Variants in FHIT observed in about 807,000 individuals in gnomAD.
The protein encoded by FHIT is bis(5'-adenosyl)-triphosphatase.
FHIT carries 19 observed loss-of-function variants against 17.9 expected under a neutral mutation model. The observed-to-expected ratio is 1.06, with a 90% CI of 0.74 to 1.56. The LOEUF (loss-of-function observed/expected upper bound fraction) is 1.56, where lower values mean the gene tolerates loss of function less well. Among genes scored for constraint, FHIT ranks in the 40% most tolerant of loss-of-function variants. FHIT has a pLI of 0.00. For missense variants in FHIT, 248 were observed against 189.2 expected (o/e 1.31, Z -1.82); for synonymous variants, 81 against 69.7 (o/e 1.16, Z -0.81).
At chr3:61,147,663 T>C (rs1315686114) in intron 2 of FHIT, among the ~76,000 whole-genome samples, 4 of 151,540 alleles carry the variant, frequency 2.6e-5, no homozygotes, top group Non-Finnish European at 5.9e-5. Flanking sequence ...TATGAAAATA[T>C]AAAAAAATAA....
chr3:60,173,284 G>C (rs1205563018), intron 5 of FHIT, among the ~76,000 whole-genome samples: 3 of 152,142 alleles, frequency 2.0e-5, no homozygotes, highest in African/African-American at 7.2e-5. Context: ...GCACACCTGG[G>C]AAGAAGGCAA....
chr3:60,271,444 CAAAGAG>C (rs1377648792), intron 5 of FHIT, among the ~76,000 whole-genome samples: 2 of 152,064 alleles, frequency 1.3e-5, no homozygotes, highest in African/African-American at 2.4e-5. Context: ...TTAGCATAGA[CAAAGAG>C]AAAGACAAGA....
At chr3:60,713,938 C>A (rs1422558440) in intron 4 of FHIT, among the ~76,000 whole-genome samples, 4 of 151,664 alleles carry the variant, frequency 2.6e-5, no homozygotes, top group Admixed American at 2.6e-4. Flanking sequence ...TTTTATGAGG[C>A]CAGCATCATC....
At chr3:60,538,188 A>T (rs1181048360) in intron 4 of FHIT, among the ~76,000 whole-genome samples, 1 of 152,202 alleles carries the variant, frequency 6.6e-6, no homozygotes, top group East Asian at 1.9e-4. Flanking sequence ...TCCCATTCAC[A>T]ATTGCTTCAA....
chr3:60,962,241 G>T (rs192876520), intron 3 of FHIT, among the ~76,000 whole-genome samples: 77 of 152,146 alleles, frequency 5.1e-4, no homozygotes, highest in African/African-American at 1.8e-3. Context: ...GTCTGTTATT[G>T]GTGTATAAGA....
intron 2 of FHIT, among the ~76,000 whole-genome samples, chr3:61,111,891 C>T (rs1379606136): frequency 6.6e-6 from 1 of 152,178 alleles, no homozygotes; most frequent in Non-Finnish European, 1.5e-5. Context: ...AAGTCAGAAA[C>T]TGAGTCAAAA....
At chr3:61,240,667 T>C (rs1309426087) in intron 1 of FHIT, among the ~76,000 whole-genome samples, 4 of 152,218 alleles carry the variant, frequency 2.6e-5, no homozygotes, top group Non-Finnish European at 4.4e-5. Flanking sequence ...AGGTAACATG[T>C]TATATCTGAT....
chr3:59,779,843 G>C (rs1229409226), intron 8 of FHIT, among the ~76,000 whole-genome samples: 1 of 152,164 alleles, frequency 6.6e-6, no homozygotes, highest in African/African-American at 2.4e-5. Flanking sequence ...AAATACATGA[G>C]GGATAAACAA....
chr3:60,323,481 G>A (rs1709525377), intron 5 of FHIT, among the ~76,000 whole-genome samples: 1 of 152,144 alleles, frequency 6.6e-6, no homozygotes, highest in South Asian at 2.1e-4. Context: ...ATGAAGCCCA[G>A]GGAGGTCATA....
At chr3:60,262,061 G>A (rs1409951593) in intron 5 of FHIT, among the ~76,000 whole-genome samples, 1 of 151,854 alleles carries the variant, frequency 6.6e-6, no homozygotes, top group Non-Finnish European at 1.5e-5. Flanking sequence ...TCTTCATTTT[G>A]GAATGATCCT....
At chr3:60,175,270 A>G (rs999146240) in intron 5 of FHIT, among the ~76,000 whole-genome samples, 2 of 152,176 alleles carry the variant, frequency 1.3e-5, no homozygotes, top group East Asian at 3.9e-4. Context: ...ACAAAGCTAA[A>G]CTACACATAT....
intron 2 of FHIT, among the ~76,000 whole-genome samples, chr3:61,064,804 T>C (rs2034545269): frequency 6.6e-6 from 1 of 152,192 alleles, no homozygotes; most frequent in Non-Finnish European, 1.5e-5. Flanking sequence ...ACTGTGTATA[T>C]GCTGCCTAGA....
At chr3:60,182,182 C>A (rs1321939198) in intron 5 of FHIT, among the ~76,000 whole-genome samples, 2 of 152,132 alleles carry the variant, frequency 1.3e-5, no homozygotes, top group African/African-American at 4.8e-5. Flanking sequence ...AGGTTGCTTT[C>A]CTCCCCACCT....
intron 5 of FHIT, among the ~76,000 whole-genome samples, chr3:60,070,715 G>A (rs1482558227): frequency 1.3e-5 from 2 of 152,182 alleles, no homozygotes; most frequent in East Asian, 3.9e-4. Context: ...GGGTGCCTCT[G>A]TTCAATATAA....
intron 3 of FHIT, among the ~76,000 whole-genome samples, chr3:60,994,495 C>T (rs1305711527): frequency 6.6e-6 from 1 of 152,198 alleles, no homozygotes; most frequent in African/African-American, 2.4e-5. Context: ...ACTTTGAAAT[C>T]AAACCATTTC....
At chr3:59,758,925 T>A (rs1047563074) in intron 8 of FHIT, among the ~76,000 whole-genome samples, 5 of 151,950 alleles carry the variant, frequency 3.3e-5, no homozygotes, top group South Asian at 4.2e-4. Context: ...CTGGGCTGAG[T>A]TCTAGAAAGC....
chr3:60,882,312 A>T (rs996468633), intron 3 of FHIT, among the ~76,000 whole-genome samples: 15 of 152,272 alleles, frequency 9.9e-5, no homozygotes, highest in South Asian at 4.1e-4. Context: ...AAGAAGAACT[A>T]ATGCCCATCC....
intron 8 of FHIT, among the ~76,000 whole-genome samples, chr3:59,875,728 G>A (rs924608482): frequency 6.6e-6 from 1 of 152,062 alleles, no homozygotes; most frequent in African/African-American, 2.4e-5. Flanking sequence ...TTATCAGGGA[G>A]CTAACGATGG....
chr3:60,006,128 G>T (rs1232512079), intron 7 of FHIT, among the ~76,000 whole-genome samples: 2 of 152,098 alleles, frequency 1.3e-5, no homozygotes, highest in Non-Finnish European at 2.9e-5. Context: ...TTGTAACCGC[G>T]ACTTACTCGT....
Sources: allele counts gnomAD v4.1 joint callset (sites outside exome capture counted in the v4.1 genomes callset), GRCh38; gene constraint gnomAD v4.1.1; transcripts MANE v1.5; gene names NCBI Gene and HGNC (gene_info 2026-07-23, HGNC 2026-07-21).